LRP1B: variants seen among roughly 807,000 people sequenced by gnomAD.
The protein encoded by LRP1B is LDL receptor related protein 1B.
In LRP1B, 217 loss-of-function variants were observed where a neutral mutation model predicts 556.6. That is an observed-to-expected ratio of 0.39 (90% confidence interval 0.35 to 0.44). The LOEUF is 0.44. Ranked by LOEUF, LRP1B falls within the 20% of genes least tolerant of loss-of-function variation. The pLI is 1.00. For missense variants in LRP1B, 5,053 were observed against 5,620.8 expected (o/e 0.90, Z 3.23); for synonymous variants, 2,047 against 1,865.8 (o/e 1.10, Z -2.50).
At chr2:141,090,628 C>T (rs1283564171) in intron 7 of LRP1B, among the ~76,000 whole-genome samples, 7 of 152,128 alleles carry the variant, frequency 4.6e-5, no homozygotes, top group Non-Finnish European at 1.0e-4. Flanking sequence ...TGAAATTCAA[C>T]TTCTATTTTA....
intron 1 of LRP1B, among the ~76,000 whole-genome samples, chr2:141,905,318 T>A (rs1179011544): frequency 6.6e-6 from 1 of 151,786 alleles, no homozygotes; most frequent in Non-Finnish European, 1.5e-5. Flanking sequence ...CGAAGTAAGC[T>A]AGAGAACAGA....
chr2:141,844,085 G>T (rs1233384645), intron 1 of LRP1B, among the ~76,000 whole-genome samples: 2 of 152,024 alleles, frequency 1.3e-5, no homozygotes, highest in Non-Finnish European at 2.9e-5. Flanking sequence ...AGGAAGAAAA[G>T]AAAAAGGATG....
At chr2:141,509,091 A>G (rs566628033) in intron 2 of LRP1B, among the ~76,000 whole-genome samples, 30 of 152,260 alleles carry the variant, frequency 2.0e-4, no homozygotes, top group Middle Eastern at 6.8e-3. Flanking sequence ...CCGGGTATCC[A>G]TGTTTCCAAT....
intron 45 of LRP1B, among the ~76,000 whole-genome samples, chr2:140,537,842 A>G (rs1679980946): frequency 6.6e-6 from 1 of 152,076 alleles, no homozygotes; most frequent in African/African-American, 2.4e-5. Flanking sequence ...TGTGATCCCT[A>G]TTTTGAAGGG....
At chr2:140,646,254 T>G (rs1013667392) in intron 41 of LRP1B, among the ~76,000 whole-genome samples, 5 of 152,162 alleles carry the variant, frequency 3.3e-5, no homozygotes, top group Non-Finnish European at 7.3e-5. Flanking sequence ...ATAATCCTTC[T>G]AGGAAAGTGC....
At position 140,991,678 on chromosome 2, in the gene LRP1B, T is replaced by C. The variant is rs567914464; in HGVS notation, c.2645-2021A>G. ...CAATTTGGTTTGGCAACTACTGTAA[T>C]AAAGAATTGTACAGCAGATGAATGT... On this transcript the variant is annotated intron_variant, in intron 16 of 90. Transcript: ENST00000389484. Among the ~76,000 whole-genome samples, 3 of 152,208 alleles carry C rather than the reference T, an allele frequency of 2.0e-5. No homozygotes were observed. In the East Asian group the frequency reaches 5.8e-4, roughly 29 times the overall value.
At chr2:141,605,114 A>G (rs1687869021) in intron 2 of LRP1B, among the ~76,000 whole-genome samples, 1 of 152,050 alleles carries the variant, frequency 6.6e-6, no homozygotes, top group South Asian at 2.1e-4. Context: ...GTCACTATGG[A>G]GCACATTCGA....
intron 2 of LRP1B, among the ~76,000 whole-genome samples, chr2:141,683,779 T>C (rs1028185181): frequency 7.9e-5 from 12 of 152,138 alleles, no homozygotes; most frequent in Non-Finnish European, 1.8e-4. Flanking sequence ...GGATGTGCTT[T>C]AGACTAGAAA....
chr2:141,080,147 T>C (rs1439062088), intron 7 of LRP1B, among the ~76,000 whole-genome samples: 1 of 152,176 alleles, frequency 6.6e-6, no homozygotes, highest in African/African-American at 2.4e-5. Context: ...ATTGGGCACA[T>C]AGAAATTGAT....
At chr2:141,280,375 A>T (rs1436562207) in intron 3 of LRP1B, among the ~76,000 whole-genome samples, 1 of 152,060 alleles carries the variant, frequency 6.6e-6, no homozygotes, top group Non-Finnish European at 1.5e-5. Flanking sequence ...TGATGTCCCT[A>T]ACATTTATCT....
intron 90 of LRP1B, among the ~76,000 whole-genome samples, chr2:140,233,698 A>C (rs1322173700): frequency 6.6e-6 from 1 of 151,276 alleles, no homozygotes; most frequent in African/African-American, 2.4e-5. Flanking sequence ...CCTTATTGCT[A>C]TTACAAGCCT....
chr2:141,862,716 G>A (rs1009448876), intron 1 of LRP1B, among the ~76,000 whole-genome samples: 1 of 152,162 alleles, frequency 6.6e-6, no homozygotes, highest in African/African-American at 2.4e-5. Flanking sequence ...ATGGACAGGT[G>A]TAAGCACCAT....
At chr2:140,640,469 C>T in intron 41 of LRP1B, among the ~76,000 whole-genome samples, 2 of 126,254 alleles carry the variant, frequency 1.6e-5, no homozygotes, top group Non-Finnish European at 3.2e-5. Flanking sequence ...GATCTCGGCT[C>T]ACTGCAAGCT....
chr2:141,156,324 A>T (rs892460415), intron 7 of LRP1B, among the ~76,000 whole-genome samples: 1 of 152,042 alleles, frequency 6.6e-6, no homozygotes, highest in African/African-American at 2.4e-5. Context: ...CTGTCAATAC[A>T]TTCCCTCCCA....
intron 3 of LRP1B, among the ~76,000 whole-genome samples, chr2:141,312,906 C>A (rs968552261): frequency 6.6e-6 from 1 of 152,064 alleles, no homozygotes; most frequent in Non-Finnish European, 1.5e-5. Context: ...GTCTCGAACT[C>A]CTGACCTCAG....
At chr2:140,505,828 A>G (rs903760226) in intron 53 of LRP1B, among the ~76,000 whole-genome samples, 1 of 152,216 alleles carries the variant, frequency 6.6e-6, no homozygotes, top group Non-Finnish European at 1.5e-5. Context: ...GCATATATAA[A>G]GTTCACAGCT....
At chr2:141,243,558 C>T (rs544974134) in intron 5 of LRP1B, among the ~76,000 whole-genome samples, 1 of 152,080 alleles carries the variant, frequency 6.6e-6, no homozygotes, top group African/African-American at 2.4e-5. Context: ...AACAAATGCT[C>T]TCATAAAAAT....
chr2:141,140,451 C>A (rs1466397171), intron 7 of LRP1B, among the ~76,000 whole-genome samples: 1 of 152,054 alleles, frequency 6.6e-6, no homozygotes, highest in African/African-American at 2.4e-5. Flanking sequence ...TATTGAAGCC[C>A]TAGTCTGAAA....
intron 2 of LRP1B, among the ~76,000 whole-genome samples, chr2:141,574,750 C>T (rs62166478): frequency 0.073 from 11,174 of 152,202 alleles, 498 homozygotes; most frequent in Non-Finnish European, 0.099. Flanking sequence ...TAAGCATCTT[C>T]AGCAAGTCTC....
Sources: allele counts gnomAD v4.1 joint callset (sites outside exome capture counted in the v4.1 genomes callset), GRCh38; gene constraint gnomAD v4.1.1; transcripts MANE v1.5; gene names NCBI Gene and HGNC (gene_info 2026-07-23, HGNC 2026-07-21).